The following RALY variants were observed in gnomAD, a reference collection of about 807,000 sequenced individuals.
RALY encodes RNA-binding protein Raly.
Under a neutral mutation model 30.7 loss-of-function variants are expected in RALY, and 15 were observed. The ratio of observed to expected loss-of-function variants is 0.49; its 90% CI spans 0.33 to 0.75. RALY has a LOEUF of 0.75. Among genes scored for constraint, RALY ranks in the 30% least tolerant of loss-of-function variants. The pLI is 0.02. For missense variants in RALY, 339 were observed against 414.3 expected (o/e 0.82, Z 1.58); for synonymous variants, 177 against 170.8 (o/e 1.04, Z -0.28).
rs987702620 is a variant in RALY at position 34,081,145 on chromosome 20, T to G, written c.*1240T>G. The stretch of plus-strand genomic sequence containing the variant: ...CCATGTTCAAGTTCCCAAGAGAGAA[T>G]CGACTGCCACTGTAATTTTTTTTCC... On this transcript the variant is annotated 3_prime_UTR_variant, in exon 10 of 10. Transcript: ENST00000246194. 1 of 152,162 alleles carries G rather than the reference T, an allele frequency of 6.6e-6. No individual in the cohort carries two copies. Among genetic ancestry groups the G allele is most frequent in the African/African-American group, 2.4e-5 (1 of 41,430 alleles). The allele number at this position is 152,162 out of a possible 1,614,324, so 9.4% of individuals were successfully genotyped here. A position where few individuals can be genotyped will look rare whatever the true frequency, so the allele number is the denominator to read the frequency against.
intron 1 of RALY, among the ~76,000 whole-genome samples, chr20:33,996,660 T>C (rs1258306205): frequency 1.3e-5 from 2 of 152,070 alleles, no homozygotes; most frequent in African/African-American, 4.8e-5. Context: ...AACATAAAAT[T>C]TACCATTTAA....
chr20:34,031,856 G>C (rs1210445570), intron 2 of RALY, among the ~76,000 whole-genome samples: 2 of 152,178 alleles, frequency 1.3e-5, no homozygotes, highest in African/African-American at 4.8e-5. Context: ...CTTCCTTCTT[G>C]CTTCTGCTAG....
At chr20:34,052,081 G>A (rs1022668535) in intron 2 of RALY, among the ~76,000 whole-genome samples, 2 of 152,186 alleles carry the variant, frequency 1.3e-5, no homozygotes, top group African/African-American at 4.8e-5. Flanking sequence ...AGGGACCCTA[G>A]AGATCTGTCC....
In RALY at chr20:34,075,874, G is replaced by A. The variant is rs748279382; in HGVS notation, c.378G>A (p.Arg126=). ...GCCTCTGGCCCATCTGCCCTCACAG[G>A]CTCTTCGACTACCGGGGCCGTCTGT... is the stretch of plus-strand genomic sequence containing the variant. The part of the protein sequence containing the change: ...YDYYRDDFYD[R]LFDYRGRLSP... Residue 126 remains arginine (R), a splice_region_variant and synonymous_variant, in exon 6 of 10, where the codon AGG becomes AGA. Coordinates refer to ENST00000246194, the MANE Select transcript of RALY (RefSeq NM_016732.3). 8.1e-6 allele frequency: 13 copies of A among 1,611,610 alleles called. No individual in the cohort carries two copies.
chr20:34,050,067 C>A (rs1351214393), intron 2 of RALY, among the ~76,000 whole-genome samples: 1 of 152,210 alleles, frequency 6.6e-6, no homozygotes, highest in African/African-American at 2.4e-5. Context: ...TCCTGCTGTT[C>A]CATCTCATGC....
rs141731214 is a variant in RALY, at chr20:34,076,790, C to G, written c.633C>G (p.Ile211Met). The change falls in exon 7 of 10, where the codon ATC becomes ATG. Residue 211 changes from isoleucine to methionine, a missense_variant. This residue lies in a region of RALY where 268 missense variants were observed against 280.6 expected (regional missense o/e 0.95). Coordinates refer to ENST00000246194, the MANE Select transcript of RALY (RefSeq NM_016732.3). ...IDALLSRLEQ[I>M]AAEQKANPDG... ...CCCTGCTGAGCCGCTTGGAGCAGATCGCTGCGGAGCAAAAGGCCAATCCAG... is the reference window on the plus strand; with the variant it reads ...CCCTGCTGAGCCGCTTGGAGCAGATGGCTGCGGAGCAAAAGGCCAATCCAG... 3 of 1,614,086 alleles carry G rather than the reference C, an allele frequency of 1.9e-6. No homozygotes were observed. Among genetic ancestry groups the G allele is most frequent in the Middle Eastern group, 1.7e-4 (1 of 6,042 alleles).
chr20:34,012,610 G>T (rs750375013), intron 1 of RALY, among the ~76,000 whole-genome samples: 5 of 152,160 alleles, frequency 3.3e-5, no homozygotes, highest in South Asian at 4.1e-4. Context: ...GCTTGGGATT[G>T]AACCTGTTTT....
At chr20:34,018,608 C>T (rs2031696733) in intron 1 of RALY, among the ~76,000 whole-genome samples, 1 of 152,182 alleles carries the variant, frequency 6.6e-6, no homozygotes, top group Admixed American at 6.5e-5. Context: ...GTACCCCTTG[C>T]CTGTGACAAG....
intron 2 of RALY, among the ~76,000 whole-genome samples, chr20:34,046,439 A>G (rs955875524): frequency 2.0e-5 from 3 of 152,168 alleles, no homozygotes; most frequent in African/African-American, 7.2e-5. Flanking sequence ...TATTTAAGGT[A>G]TTGTATGTGT....
At chr20:34,071,094 CATG>C (rs1472631660) in intron 2 of RALY, among the ~76,000 whole-genome samples, 1 of 152,090 alleles carries the variant, frequency 6.6e-6, no homozygotes, top group Non-Finnish European at 1.5e-5. Context: ...GGGGGAAATG[CATG>C]ATTTCAGTCA....
chr20:34,057,288 G>A (rs1763844389), intron 2 of RALY, among the ~76,000 whole-genome samples: 1 of 152,166 alleles, frequency 6.6e-6, no homozygotes, highest in African/African-American at 2.4e-5. Context: ...GTGGGGGTTA[G>A]ATGATTTCAT....
At chr20:34,071,672 A>T (rs1178380877) in intron 2 of RALY, among the ~76,000 whole-genome samples, 17 of 152,132 alleles carry the variant, frequency 1.1e-4, no homozygotes, top group Admixed American at 1.0e-3. Context: ...TCAAATTTAG[A>T]TCCTGAATGG....
intron 2 of RALY, among the ~76,000 whole-genome samples, chr20:34,049,380 G>A (rs966260075): frequency 1.3e-5 from 2 of 152,086 alleles, no homozygotes; most frequent in African/African-American, 2.4e-5. Flanking sequence ...GTGCCATGAT[G>A]GGCACTGGGG....
chr20:34,066,080 C>A (rs767997061), intron 2 of RALY, among the ~76,000 whole-genome samples: 1 of 151,362 alleles, frequency 6.6e-6, no homozygotes, highest in Non-Finnish European at 1.5e-5. Context: ...TGGAGAGTGT[C>A]GAGTAAGAAG....
At chr20:34,021,626 A>G (rs763302514) in intron 1 of RALY, among the ~76,000 whole-genome samples, 17 of 152,162 alleles carry the variant, frequency 1.1e-4, no homozygotes, top group Non-Finnish European at 2.5e-4. Context: ...TTTCCAACAC[A>G]TGAGCTTTAG....
chr20:34,024,997 C>G (rs897648700), intron 1 of RALY, among the ~76,000 whole-genome samples: 2 of 152,206 alleles, frequency 1.3e-5, no homozygotes, highest in African/African-American at 4.8e-5. Flanking sequence ...ACCCAACTGT[C>G]AAATAGATTG....
At chr20:34,077,476 C>T (rs914180216) in intron 8 of RALY, 16 of 867,838 alleles carry the variant, frequency 1.8e-5, no homozygotes, top group South Asian at 7.1e-5. Context: ...CCCCCAAATG[C>T]GGGCACATTC....
intron 2 of RALY, among the ~76,000 whole-genome samples, chr20:34,049,968 A>G (rs1316929069): frequency 1.3e-5 from 2 of 152,212 alleles, no homozygotes; most frequent in African/African-American, 4.8e-5. Context: ...ATCTAAGCTG[A>G]CTGGGGAGAA....
At chr20:34,059,801 C>T (rs2033361858) in intron 2 of RALY, among the ~76,000 whole-genome samples, 2 of 152,318 alleles carry the variant, frequency 1.3e-5, no homozygotes, top group Middle Eastern at 3.4e-3. Flanking sequence ...GGAGTTCCAT[C>T]AGAGATACCA....
Sources: gnomAD v4.1 joint callset for allele counts (sites outside exome capture counted in the v4.1 genomes callset) on GRCh38, gnomAD v4.1.1 for gene constraint, gnomAD v4.1.1 regional missense constraint, MANE v1.5 for transcripts, NCBI Gene and HGNC (gene_info 2026-07-23, HGNC 2026-07-21) for gene names.